MTCL2: variants seen among roughly 807,000 people sequenced by gnomAD.
MTCL2 encodes the protein microtubule cross-linking factor 2.
the MTCL2 span, chr20:36,810,194 AGG>A: frequency 1.4e-6 from 2 of 1,469,926 alleles, no homozygotes; most frequent in Non-Finnish European, 1.8e-6. Flanking sequence ...TGACAGTGGT[AGG>A]GGAACGATGG....
At chr20:36,821,621 G>C in the MTCL2 span, among the ~76,000 whole-genome samples, 202 of 152,306 alleles carry the variant, frequency 1.3e-3, 4 homozygotes, top group East Asian at 0.037. Context: ...GGGAGGCTGA[G>C]GTGGGAGAAT....
At chr20:36,849,777 A>G in the MTCL2 span, among the ~76,000 whole-genome samples, 4 of 152,206 alleles carry the variant, frequency 2.6e-5, no homozygotes, top group Non-Finnish European at 5.9e-5. Context: ...TTTGGGGCCC[A>G]CTGGAACCTT....
At chr20:36,827,369 T>C in the MTCL2 span, among the ~76,000 whole-genome samples, 1 of 147,544 alleles carries the variant, frequency 6.8e-6, no homozygotes, top group Admixed American at 6.8e-5. Context: ...TTTTTTTTTT[T>C]TTTTTTTTTT....
the MTCL2 span, among the ~76,000 whole-genome samples, chr20:36,842,308 C>T: frequency 8.5e-5 from 13 of 152,172 alleles, no homozygotes; most frequent in Admixed American, 3.3e-4. Context: ...AAAAGACATA[C>T]GAATGTGCAA....
At chr20:36,808,385 G>A in the MTCL2 span, 3 of 740,484 alleles carry the variant, frequency 4.1e-6, no homozygotes, top group African/African-American at 3.6e-5. Flanking sequence ...ACGAATGCAG[G>A]AAGGAAGCCT....
At chr20:36,832,985 T>A in the MTCL2 span, among the ~76,000 whole-genome samples, 1 of 152,180 alleles carries the variant, frequency 6.6e-6, no homozygotes, top group Non-Finnish European at 1.5e-5. Flanking sequence ...CAGAATCAGC[T>A]GGAACATCCC....
chr20:36,850,767 TCTC>T, the MTCL2 span, among the ~76,000 whole-genome samples: 5 of 152,202 alleles, frequency 3.3e-5, no homozygotes, highest in Non-Finnish European at 2.9e-5. Context: ...TTTAAAATTT[TCTC>T]CTGTTTAAAA....
the MTCL2 span, among the ~76,000 whole-genome samples, chr20:36,845,636 G>A: frequency 4.6e-5 from 7 of 152,210 alleles, no homozygotes; most frequent in Admixed American, 2.6e-4. Flanking sequence ...AGGCAGGGGC[G>A]CTGGGCTTTC....
chr20:36,858,650 C>A, the MTCL2 span, among the ~76,000 whole-genome samples: 1 of 152,190 alleles, frequency 6.6e-6, no homozygotes, highest in Admixed American at 6.5e-5. Context: ...ACACAGACAT[C>A]CTGTCTGCCT....
At chr20:36,817,266 CAAAAAAAAA>C in the MTCL2 span, 2 of 515,534 alleles carry the variant, frequency 3.9e-6, no homozygotes, top group Non-Finnish European at 6.1e-6. Flanking sequence ...GACTCCGTCT[CAAAAAAAAA>C]AAAAAAAAAG....
At chr20:36,841,864 TGGGGGGTG>T in the MTCL2 span, among the ~76,000 whole-genome samples, 1 of 100,054 alleles carries the variant, frequency 1.0e-5, no homozygotes, top group Non-Finnish European at 2.1e-5. Flanking sequence ...ACATCGGGGG[TGGGGGGTG>T]GGGTGTGTGT....
the MTCL2 span, among the ~76,000 whole-genome samples, chr20:36,845,010 C>A: frequency 1.1e-3 from 144 of 126,978 alleles, no homozygotes; most frequent in South Asian, 1.6e-3. Flanking sequence ...GATTCTGTCT[C>A]AAAAAAAAAA....
At chr20:36,807,862 T>C in the MTCL2 span, among the ~76,000 whole-genome samples, 2 of 135,522 alleles carry the variant, frequency 1.5e-5, no homozygotes, top group African/African-American at 5.4e-5. Context: ...GGAGAAACCC[T>C]GTCTTTTTTT....
the MTCL2 span, chr20:36,817,485 ATT>A: frequency 6.6e-7 from 1 of 1,512,682 alleles, no homozygotes. Context: ...GTGAGATTTA[ATT>A]AAAAAAAAAA....
the MTCL2 span, chr20:36,812,659 ACT>A: frequency 6.2e-7 from 1 of 1,600,742 alleles, no homozygotes; most frequent in Non-Finnish European, 8.5e-7. Flanking sequence ...GGGCTCAGTC[ACT>A]CTCCTCCTAC....
chr20:36,788,335 G>A, the MTCL2 span, among the ~76,000 whole-genome samples: 1 of 151,918 alleles, frequency 6.6e-6, no homozygotes, highest in African/African-American at 2.4e-5. Context: ...GAGCAATAGA[G>A]CAAGACCCCA....
At chr20:36,810,139 G>T in the MTCL2 span, 1 of 1,564,826 alleles carries the variant, frequency 6.4e-7, no homozygotes, top group Non-Finnish European at 8.6e-7. Context: ...CAGATAATGA[G>T]GAGGGAGAGA....
chr20:36,806,011 A>C, the MTCL2 span: 1 of 1,487,482 alleles, frequency 6.7e-7, no homozygotes, highest in South Asian at 1.3e-5. Flanking sequence ...CCAAATTTTA[A>C]TTCCAACCTT....
the MTCL2 span, among the ~76,000 whole-genome samples, chr20:36,799,377 A>T: frequency 1.8e-3 from 277 of 152,252 alleles, 2 homozygotes; most frequent in Non-Finnish European, 2.5e-3. Context: ...CTGTAATCCC[A>T]GCTGCTCAGG....
Sources: gnomAD v4.1 joint callset for allele counts (sites outside exome capture counted in the v4.1 genomes callset) on GRCh38, gnomAD v4.1.1 for gene constraint, MANE v1.5 for transcripts, NCBI Gene and HGNC (gene_info 2026-07-23, HGNC 2026-07-21) for gene names.